The following ASIC2 variants were observed in gnomAD, a reference collection of about 807,000 sequenced individuals.
ASIC2 encodes acid-sensing ion channel 2.
ASIC2 carries 25 observed loss-of-function variants against 57.3 expected under a neutral mutation model. That is an observed-to-expected ratio of 0.44 (90% CI 0.32 to 0.61). The LOEUF (loss-of-function observed/expected upper bound fraction) is 0.61. Among genes scored for constraint, ASIC2 ranks in the 20% least tolerant of loss-of-function variants. The probability of loss-of-function intolerance (pLI) is 0.06; values close to 1 mark genes in which losing one functional copy is unlikely to be tolerated. For missense variants in ASIC2, 641 were observed against 738.1 expected (o/e 0.87, Z 1.52); for synonymous variants, 319 against 307.5 (o/e 1.04, Z -0.39).
At chr17:33,657,231 C>A (rs1229221531) in intron 1 of ASIC2, among the ~76,000 whole-genome samples, 2 of 152,316 alleles carry the variant, frequency 1.3e-5, no homozygotes, top group East Asian at 3.9e-4. Context: ...TGGTCCAAAC[C>A]CCCCATCCTG....
intron 1 of ASIC2, among the ~76,000 whole-genome samples, chr17:33,356,790 T>C (rs1177672768): frequency 1.3e-5 from 2 of 152,136 alleles, no homozygotes; most frequent in African/African-American, 4.8e-5. Context: ...TATTATTCTT[T>C]GGCTCTGCAA....
chr17:33,640,205 G>A (rs1457803342), intron 1 of ASIC2, among the ~76,000 whole-genome samples: 1 of 152,072 alleles, frequency 6.6e-6, no homozygotes, highest in South Asian at 2.1e-4. Context: ...AGGGAGAGGC[G>A]GGAAAGAGAG....
At chr17:33,314,179 T>C (rs1906548592) in intron 1 of ASIC2, among the ~76,000 whole-genome samples, 1 of 152,194 alleles carries the variant, frequency 6.6e-6, no homozygotes, top group Non-Finnish European at 1.5e-5. Flanking sequence ...ACTCAGACCC[T>C]CTGTCTTTTC....
Position 33,668,200 on chromosome 17 carries a change from T to A in ASIC2, c.555+487778A>T, listed in dbSNP as rs142161072. On this transcript the variant is annotated intron_variant, in intron 1 of 9. Transcript: ENST00000359872. ...CCCCCTGCCTGGAGAGAAGGCATCTTTAGAGCACAAGCTCCCCTTCTCCAT... is the reference window on the plus strand; with the variant it reads ...CCCCCTGCCTGGAGAGAAGGCATCTATAGAGCACAAGCTCCCCTTCTCCAT... Among the ~76,000 whole-genome samples the A allele has an allele frequency of 9.6e-3, 1,450 of 151,724 alleles. 25 individuals carry two copies. The highest frequency in any genetic ancestry group is 0.034 in the African/African-American group (1,403 of 41,322).
At chr17:33,620,109 C>T (rs1905736871) in intron 1 of ASIC2, among the ~76,000 whole-genome samples, 1 of 151,894 alleles carries the variant, frequency 6.6e-6, no homozygotes, top group Non-Finnish European at 1.5e-5. Context: ...AGGAAAGTAC[C>T]TGTCGAATTT....
chr17:34,088,866 T>G (rs7212227), intron 1 of ASIC2, among the ~76,000 whole-genome samples: 2 of 152,124 alleles, frequency 1.3e-5, no homozygotes, highest in African/African-American at 4.8e-5. Flanking sequence ...TCTCCTGGTG[T>G]GCTGTTTTTT....
chr17:33,195,240 A>C (rs773808784), intron 1 of ASIC2, among the ~76,000 whole-genome samples: 1 of 152,138 alleles, frequency 6.6e-6, no homozygotes, highest in Non-Finnish European at 1.5e-5. Context: ...ACAGCCTAAA[A>C]ACTCAACATG....
intron 3 of ASIC2, among the ~76,000 whole-genome samples, chr17:33,062,370 C>A (rs1400143159): frequency 2.0e-5 from 3 of 152,080 alleles, no homozygotes; most frequent in Non-Finnish European, 4.4e-5. Context: ...TGTCTTTGTT[C>A]TTGTTGGTTT....
At chr17:33,593,049 T>C (rs542962131) in intron 1 of ASIC2, among the ~76,000 whole-genome samples, 1 of 152,312 alleles carries the variant, frequency 6.6e-6, no homozygotes, top group African/African-American at 2.4e-5. Context: ...ACCTGCAAAG[T>C]AGTTCACACA....
At chr17:33,263,587 C>T (rs893601933) in intron 1 of ASIC2, among the ~76,000 whole-genome samples, 8 of 146,848 alleles carry the variant, frequency 5.4e-5, no homozygotes, top group African/African-American at 1.3e-4. Context: ...CTCCCCTCTG[C>T]GGCCCCATGA....
chr17:33,093,972 G>A (rs758351253), intron 2 of ASIC2, among the ~76,000 whole-genome samples: 10 of 152,164 alleles, frequency 6.6e-5, no homozygotes, highest in Non-Finnish European at 8.8e-5. Flanking sequence ...GTGGCTGAGT[G>A]GGGGAACCCT....
At chr17:33,110,316 C>T (rs1003104776) in intron 2 of ASIC2, among the ~76,000 whole-genome samples, 5 of 152,218 alleles carry the variant, frequency 3.3e-5, no homozygotes, top group Admixed American at 6.5e-5. Flanking sequence ...CAGGCCCCCA[C>T]GGTCCCAGGG....
At chr17:33,550,643 A>T (rs574503243) in intron 1 of ASIC2, among the ~76,000 whole-genome samples, 123 of 152,322 alleles carry the variant, frequency 8.1e-4, no homozygotes, top group South Asian at 2.1e-3. Flanking sequence ...CCTCATTTAG[A>T]GAAGGGATAA....
chr17:33,799,435 T>TCTC (rs1912048142), intron 1 of ASIC2, among the ~76,000 whole-genome samples: 1 of 42,982 alleles, frequency 2.3e-5, no homozygotes, highest in African/African-American at 8.7e-5. Context: ...TTCTTCTTTC[T>TCTC]TTCTTTCTTT....
In ASIC2 at chr17:33,047,371, C is replaced by A. The variant is rs867270122; in HGVS notation, c.988-18979G>T. ...TTGTTTTTTTTTAGAGACAGGGTCT[C>A]TCTGTCACCCAGGCTGTAGTGCAGC... On this transcript the variant is annotated intron_variant, in intron 3 of 9. Coordinates refer to ENST00000225823, the MANE Select transcript of ASIC2 (RefSeq NM_183377.2). 5.9e-5 allele frequency among the ~76,000 whole-genome samples: 9 copies of A among 152,158 alleles called. No individual in the cohort carries two copies. The South Asian group carries it at 8.3e-4, about 14-fold the overall frequency.
chr17:33,385,705 C>T (rs751378211), intron 1 of ASIC2, among the ~76,000 whole-genome samples: 1 of 152,192 alleles, frequency 6.6e-6, no homozygotes, highest in Non-Finnish European at 1.5e-5. Flanking sequence ...TGGCAGGAAG[C>T]TTTGCCTGGT....
intron 1 of ASIC2, among the ~76,000 whole-genome samples, chr17:34,013,976 C>G (rs1421042160): frequency 6.6e-6 from 1 of 152,102 alleles, no homozygotes; most frequent in Non-Finnish European, 1.5e-5. Flanking sequence ...GCCAGTCTAT[C>G]CGGCTAAGAG....
chr17:33,375,744 T>C (rs554583732), intron 1 of ASIC2, among the ~76,000 whole-genome samples: 1 of 152,270 alleles, frequency 6.6e-6, no homozygotes, highest in Non-Finnish European at 1.5e-5. Context: ...GAAATATTTC[T>C]GAGGGTAGAG....
intron 1 of ASIC2, among the ~76,000 whole-genome samples, chr17:33,968,273 C>T (rs1905129420): frequency 6.6e-6 from 1 of 152,186 alleles, no homozygotes. Flanking sequence ...CGGTGCCTGC[C>T]CCCCAACCCC....
Sources: allele counts gnomAD v4.1 joint callset (sites outside exome capture counted in the v4.1 genomes callset), GRCh38; gene constraint gnomAD v4.1.1; transcripts MANE v1.5; gene names NCBI Gene and HGNC (gene_info 2026-07-23, HGNC 2026-07-21).